Variants in KCNIP1 observed in about 807,000 individuals in gnomAD.
KCNIP1 encodes the protein A-type potassium channel modulatory protein KCNIP1.
KCNIP1 carries 18 observed loss-of-function variants against 33.0 expected under a neutral mutation model. That is an observed-to-expected ratio of 0.55 (90% CI 0.38 to 0.81). KCNIP1 has a LOEUF of 0.81. KCNIP1 is among the 30% of genes least tolerant of loss of function. The pLI is 0.00. For missense variants in KCNIP1, 238 were observed against 271.6 expected (o/e 0.88, Z 0.87); for synonymous variants, 93 against 98.3 (o/e 0.95, Z 0.32).
intron 1 of KCNIP1, among the ~76,000 whole-genome samples, chr5:170,683,476 A>T (rs779098825): frequency 3.3e-5 from 5 of 152,190 alleles, no homozygotes; most frequent in African/African-American, 4.8e-5. Context: ...GTCTGCCATT[A>T]AGTCTTTACC....
chr5:170,485,002 G>A (rs1350144481), intron 1 of KCNIP1, among the ~76,000 whole-genome samples: 55 of 147,056 alleles, frequency 3.7e-4, no homozygotes, highest in African/African-American at 1.1e-3. Context: ...GTGCAGTGGC[G>A]CAATCTCCAC....
intron 1 of KCNIP1, among the ~76,000 whole-genome samples, chr5:170,476,763 C>A (rs1217992294): frequency 6.6e-6 from 1 of 152,176 alleles, no homozygotes; most frequent in African/African-American, 2.4e-5. Context: ...GTTATCCCAC[C>A]AGCTAACACA....
In KCNIP1 at chr5:170,647,980, C is replaced by T. The variant is rs542519278; in HGVS notation, c.62-70778C>T. Among the ~76,000 whole-genome samples, 10 of 152,252 alleles carry T rather than the reference C, an allele frequency of 6.6e-5. No homozygotes were observed. In the South Asian group the frequency reaches 1.7e-3, roughly 25 times the overall value. On this transcript the variant is annotated intron_variant, in intron 1 of 7. Transcript: ENST00000328939. ...AAAATAAGCAGAAGACCCGAACAGA[C>T]ATTTCACCAAGGAAGATATACAGAT...
chr5:170,716,344 T>C (rs562619011), intron 1 of KCNIP1, among the ~76,000 whole-genome samples: 16 of 152,244 alleles, frequency 1.1e-4, no homozygotes, highest in Non-Finnish European at 2.1e-4. Flanking sequence ...TATACATGTG[T>C]GTATACTGGG....
intron 1 of KCNIP1, among the ~76,000 whole-genome samples, chr5:170,479,531 A>T (rs1197687957): frequency 6.6e-6 from 1 of 152,228 alleles, no homozygotes; most frequent in African/African-American, 2.4e-5. Context: ...GAAAAGCTCC[A>T]TTTGATCAAT....
chr5:170,591,091 T>G (rs1758237032), intron 1 of KCNIP1, among the ~76,000 whole-genome samples: 1 of 152,244 alleles, frequency 6.6e-6, no homozygotes. Flanking sequence ...ATCTACTATG[T>G]GCAGAGATGT....
chr5:170,717,129 T>C (rs963006812), intron 1 of KCNIP1, among the ~76,000 whole-genome samples: 10 of 152,210 alleles, frequency 6.6e-5, no homozygotes, highest in African/African-American at 9.7e-5. Context: ...AAAATGCTTT[T>C]AGATCTAATG....
intron 1 of KCNIP1, among the ~76,000 whole-genome samples, chr5:170,470,752 G>T (rs1016039512): frequency 6.6e-6 from 1 of 152,232 alleles, no homozygotes; most frequent in African/African-American, 2.4e-5. Context: ...TTTCAGTGTT[G>T]TGATGGGTTA....
chr5:170,429,831 C>T (rs1260977721), intron 1 of KCNIP1, among the ~76,000 whole-genome samples: 3 of 152,206 alleles, frequency 2.0e-5, no homozygotes, highest in Non-Finnish European at 4.4e-5. Context: ...TACATACACC[C>T]CCTTTGTATT....
At chr5:170,486,664 A>G (rs1757100655) in intron 1 of KCNIP1, among the ~76,000 whole-genome samples, 1 of 152,160 alleles carries the variant, frequency 6.6e-6, no homozygotes, top group South Asian at 2.1e-4. Flanking sequence ...TACCCTTCTC[A>G]TAGCTTCTTC....
intron 1 of KCNIP1, among the ~76,000 whole-genome samples, chr5:170,365,168 T>G (rs898845172): frequency 3.3e-5 from 5 of 152,036 alleles, no homozygotes; most frequent in Non-Finnish European, 7.4e-5. Flanking sequence ...CATTGGGAGT[T>G]GAGAGGTTGA....
intron 1 of KCNIP1, among the ~76,000 whole-genome samples, chr5:170,387,428 T>C (rs314109): frequency 0.13 from 20,288 of 152,104 alleles, 1,606 homozygotes; most frequent in African/African-American, 0.22. Context: ...CAGGCTGCCC[T>C]CATACCCGGG....
intron 1 of KCNIP1, chr5:170,679,254 T>C (rs1205343669): frequency 6.6e-6 from 1 of 152,260 alleles, no homozygotes; most frequent in Non-Finnish European, 1.5e-5. Flanking sequence ...ACTGCCTTGC[T>C]GATTTCCTGA....
chr5:170,534,832 T>A (rs1755916637), intron 1 of KCNIP1, among the ~76,000 whole-genome samples: 1 of 85,258 alleles, frequency 1.2e-5, no homozygotes, highest in African/African-American at 8.6e-5. Flanking sequence ...CGGCATAGAT[T>A]TTTTTTTTTT....
intron 1 of KCNIP1, among the ~76,000 whole-genome samples, chr5:170,534,102 G>GTGAA (rs1398492535): frequency 6.6e-6 from 1 of 152,204 alleles, no homozygotes; most frequent in East Asian, 1.9e-4. Flanking sequence ...TTCACAAACG[G>GTGAA]TATAGCACAG....
intron 1 of KCNIP1, among the ~76,000 whole-genome samples, chr5:170,379,130 G>A (rs574180477): frequency 2.4e-4 from 37 of 152,200 alleles, no homozygotes; most frequent in Non-Finnish European, 4.6e-4. Context: ...CGCTGTACAG[G>A]TCTGGAGAGC....
intron 1 of KCNIP1, among the ~76,000 whole-genome samples, chr5:170,630,405 C>A (rs1314008969): frequency 6.6e-6 from 1 of 152,186 alleles, no homozygotes; most frequent in Non-Finnish European, 1.5e-5. Flanking sequence ...ATGACTTCTG[C>A]CCAGGGTGGG....
At chr5:170,454,852 A>T (rs1756335954) in intron 1 of KCNIP1, among the ~76,000 whole-genome samples, 1 of 152,182 alleles carries the variant, frequency 6.6e-6, no homozygotes, top group Non-Finnish European at 1.5e-5. Context: ...TACCCTCACT[A>T]CAAAGTTCAA....
intron 1 of KCNIP1, among the ~76,000 whole-genome samples, chr5:170,480,262 C>T (rs34083135): frequency 0.18 from 26,780 of 152,170 alleles, 2,565 homozygotes; most frequent in Non-Finnish European, 0.2. Flanking sequence ...CCTAAGAATA[C>T]AAATTTCTTT....
Sources: gnomAD v4.1 joint callset for allele counts (sites outside exome capture counted in the v4.1 genomes callset) on GRCh38, gnomAD v4.1.1 for gene constraint, MANE v1.5 for transcripts, NCBI Gene and HGNC (gene_info 2026-07-23, HGNC 2026-07-21) for gene names.